SLC25A19: variants seen among roughly 807,000 people sequenced by gnomAD.
SLC25A19 encodes solute carrier family 25 member 19.
Under a neutral mutation model 27.9 loss-of-function variants are expected in SLC25A19, and 18 were observed. The observed-to-expected ratio is 0.64, with a 90% confidence interval of 0.45 to 0.96. The LOEUF (loss-of-function observed/expected upper bound fraction) is 0.96. SLC25A19 is among the 40% of genes least tolerant of loss of function. SLC25A19 has a pLI of 0.00. For synonymous variants in SLC25A19, 169 were observed against 167.1 expected (o/e 1.01, Z -0.09); for missense variants, 371 against 418.3 (o/e 0.89, Z 0.99).
chr17:75,273,893 T>C, intron 7 of SLC25A19: 1 of 423,066 alleles, frequency 2.4e-6, no homozygotes, highest in Non-Finnish European at 4.4e-6. Context: ...CCTGAGTAGC[T>C]GGGATTACAG....
intron 7 of SLC25A19, 162 bp from the exon 8 acceptor site, chr17:75,273,801 C>T (rs1432546790): frequency 4.4e-6 from 3 of 689,622 alleles, no homozygotes; most frequent in South Asian, 3.5e-5. Context: ...CACTCTGTTG[C>T]CCAGGCTGGA....
rs535499879 is a variant in SLC25A19 at position 75,279,707 on chromosome 17, T to C, written c.460-1372A>G. On this transcript the variant is annotated intron_variant, in intron 5 of 7. Transcript: ENST00000416858. ...TATTTTTAGTAGAGACGGGGTTTCA[T>C]CATGTTGGCCAGGATGATCTCGATC... Among the ~76,000 whole-genome samples, 849 of 151,894 alleles carry C rather than the reference T, an allele frequency of 5.6e-3. 10 individuals carry two copies. The highest frequency in any genetic ancestry group is 0.019 in the South Asian group (93 of 4,816).
intron 6 of SLC25A19, 123 bp from the exon 7 acceptor site, chr17:75,277,606 G>C: frequency 9.1e-7 from 1 of 1,102,774 alleles, no homozygotes; most frequent in East Asian, 2.5e-5. Context: ...ACTTCTATCT[G>C]ACCTCCACTG....
At chr17:75,281,035 A>G (rs2078027937) in intron 5 of SLC25A19, among the ~76,000 whole-genome samples, 1 of 151,640 alleles carries the variant, frequency 6.6e-6, no homozygotes, top group East Asian at 1.9e-4. Context: ...AAATAAAAAA[A>G]TAAAAAATTA....
chr17:75,281,733 G>T (rs749417919), intron 5 of SLC25A19, among the ~76,000 whole-genome samples: 2 of 152,046 alleles, frequency 1.3e-5, no homozygotes, highest in African/African-American at 2.4e-5. Flanking sequence ...AAACAAAGAC[G>T]CTCTCATAAT....
chr17:75,284,244 A>G (rs1353721120), intron 4 of SLC25A19, among the ~76,000 whole-genome samples: 2 of 151,948 alleles, frequency 1.3e-5, no homozygotes, highest in Non-Finnish European at 2.9e-5. Flanking sequence ...CTCTACTAAA[A>G]ATACAAAAAT....
At position 75,277,409 on chromosome 17, in the gene SLC25A19, A is replaced by G; in HGVS notation, c.718T>C (p.Phe240Leu). The G allele has an allele frequency of 6.2e-7, 1 of 1,614,146 alleles. No individual in the cohort carries two copies. The highest frequency in any genetic ancestry group is 8.5e-7 in the Non-Finnish European group (1 of 1,180,016). Reference sequence around the variant, plus strand: ...CCTCCAACCTGTAGCCGCTTCTTGAAGAGGTCCAGCGGATATGTCAGGGTC... The same window carrying G: ...CCTCCAACCTGTAGCCGCTTCTTGAGGAGGTCCAGCGGATATGTCAGGGTC... ...SKTLTYPLDL[F>L]KKRLQVGGFE... Residue 240 changes from phenylalanine to leucine, a missense_variant, in exon 7 of 8, where the codon TTC becomes CTC. Coordinates refer to ENST00000416858, the MANE Select transcript of SLC25A19 (RefSeq NM_001126121.2).
intron 5 of SLC25A19, among the ~76,000 whole-genome samples, chr17:75,282,404 G>C (rs1455161847): frequency 6.6e-6 from 1 of 152,058 alleles, no homozygotes; most frequent in East Asian, 1.9e-4. Context: ...ACAAAAAATA[G>C]CTGGGCATGA....
At chr17:75,281,462 A>C (rs10852761) in intron 5 of SLC25A19, among the ~76,000 whole-genome samples, 143,011 of 152,154 alleles carry the variant, frequency 0.94, 67,651 homozygotes, top group Non-Finnish European at 1. Flanking sequence ...TTTGGGAGAC[A>C]GAGGCCAGGG....
chr17:75,277,103 G>A (rs2077909482), intron 7 of SLC25A19, among the ~76,000 whole-genome samples: 1 of 151,624 alleles, frequency 6.6e-6, no homozygotes, highest in Non-Finnish European at 1.5e-5. Context: ...GTGAGACCCT[G>A]CCTCTATTTT....
chr17:75,279,507 T>A (rs1364515766), intron 5 of SLC25A19, among the ~76,000 whole-genome samples: 1 of 7,600 alleles, frequency 1.3e-4, no homozygotes, highest in Admixed American at 1.0e-3. Context: ...TGCTATTATC[T>A]TTTTTTTTTT....
intron 6 of SLC25A19, 129 bp downstream of exon 6, chr17:75,278,023 T>G: frequency 1.0e-6 from 1 of 970,562 alleles, no homozygotes; most frequent in Non-Finnish European, 1.6e-6. Flanking sequence ...TTTGCCACAT[T>G]ACAGAGCCAG....
intron 7 of SLC25A19, among the ~76,000 whole-genome samples, chr17:75,274,733 G>C (rs866270506): frequency 1.3e-5 from 2 of 151,972 alleles, no homozygotes; most frequent in Admixed American, 6.6e-5. Context: ...CTTGAGCCCA[G>C]GAGTTCGAGA....
rs1305001399 is a variant in SLC25A19, at chr17:75,273,001, A to G, written c.*450T>C. ...GGAGTAAGATAAGGAATGTGTGTTT[A>G]GCTTTAATGTCTATTAAATAGGTTG... On this transcript the variant is annotated 3_prime_UTR_variant, in exon 8 of 8. Transcript: ENST00000416858. The G allele has an allele frequency of 9.1e-6, 3 of 330,168 alleles. No homozygotes were observed. Among genetic ancestry groups the G allele is most frequent in the Admixed American group, 8.1e-5 (2 of 24,580 alleles). 20.5% of individuals were successfully genotyped at this position (330,168 alleles called of 1,614,324 possible). A position where few individuals can be genotyped will look rare whatever the true frequency, so the allele number is the denominator to read the frequency against.
At chr17:75,285,636 G>T (rs866980123) in intron 4 of SLC25A19, among the ~76,000 whole-genome samples, 22 of 152,182 alleles carry the variant, frequency 1.4e-4, no homozygotes, top group African/African-American at 5.3e-4. Context: ...AGTGGCTTTG[G>T]TTGGGTTAAT....
chr17:75,278,419 T>TG (rs2077952049), intron 5 of SLC25A19, 84 bp from the exon 6 acceptor site: 1 of 1,491,338 alleles, frequency 6.7e-7, no homozygotes, highest in African/African-American at 1.4e-5. Flanking sequence ...TCCCCTCGCC[T>TG]AAAATACCAG....
chr17:75,283,688 C>T (rs2078111876), intron 4 of SLC25A19, 95 bp from the exon 5 acceptor site: 1 of 1,262,560 alleles, frequency 7.9e-7, no homozygotes, highest in South Asian at 1.3e-5. Flanking sequence ...CGGCTGGGGC[C>T]CAGGTGGAGG....
Position 75,283,414 on chromosome 17 carries a change from G to GCCACTCACCTTGGGCTCAC in SLC25A19, c.449_459+8dup. 6.2e-7 allele frequency: 1 copy of GCCACTCACCTTGGGCTCAC among 1,611,354 alleles called. No individual in the cohort carries two copies. Among genetic ancestry groups the GCCACTCACCTTGGGCTCAC allele is most frequent in the Non-Finnish European group, 8.5e-7 (1 of 1,179,618 alleles). On this transcript the variant is annotated intron_variant, in intron 5 of 7. Coordinates refer to ENST00000416858, the MANE Select transcript of SLC25A19 (RefSeq NM_001126121.2). Reference sequence around the variant, plus strand: ...TTGGGCTTCCCCGGTCTGGCTCCTGGCCACTCACCTTGGGCTCACCCTGAG... The same window carrying GCCACTCACCTTGGGCTCAC: ...TTGGGCTTCCCCGGTCTGGCTCCTGGCCACTCACCTTGGGCTCACCCACTCACCTTGGGCTCACCCTGAG...
At chr17:75,277,968 A>G (rs982168669) in intron 6 of SLC25A19, among the ~76,000 whole-genome samples, 184 bp downstream of exon 6, 1 of 152,114 alleles carries the variant, frequency 6.6e-6, no homozygotes, top group African/African-American at 2.4e-5. Flanking sequence ...GTGTGGCAGG[A>G]GCTGGAAGAA....
Sources: gnomAD v4.1 joint callset for allele counts (sites outside exome capture counted in the v4.1 genomes callset) on GRCh38, gnomAD v4.1.1 for gene constraint, MANE v1.5 for transcripts, NCBI Gene and HGNC (gene_info 2026-07-23, HGNC 2026-07-21) for gene names.